Variants in KCNH8 observed in about 807,000 individuals in gnomAD.
KCNH8 encodes voltage-gated delayed rectifier potassium channel KCNH8.
A neutral mutation model predicts 103.6 loss-of-function variants in KCNH8; 70 were observed. That is an observed-to-expected ratio of 0.68 (90% CI 0.56 to 0.82). KCNH8 has a LOEUF of 0.82. Among genes scored for constraint, KCNH8 ranks in the 40% least tolerant of loss-of-function variants. The probability of loss-of-function intolerance (pLI) is 0.00; values close to 1 mark genes in which losing one functional copy is unlikely to be tolerated. For missense variants in KCNH8, 1,217 were observed against 1,329.9 expected (o/e 0.92, Z 1.32); for synonymous variants, 498 against 489.4 (o/e 1.02, Z -0.23).
chr3:19,209,410 A>G (rs2125223905), intron 1 of KCNH8, among the ~76,000 whole-genome samples: 1 of 152,198 alleles, frequency 6.6e-6, no homozygotes, highest in East Asian at 1.9e-4. Context: ...AGTTATGTTT[A>G]TCTAGAAAGT....
At chr3:19,356,980 C>T (rs1194389203) in intron 5 of KCNH8, among the ~76,000 whole-genome samples, 1 of 151,656 alleles carries the variant, frequency 6.6e-6, no homozygotes, top group Non-Finnish European at 1.5e-5. Flanking sequence ...CAACAGTTAT[C>T]GCTCCCATTT....
rs2065032285 is a variant in KCNH8 at position 19,299,123 on chromosome 3, G to A, written c.442+17794G>A. The stretch of plus-strand genomic sequence containing the variant: ...CAGTGTCCCTTGGTGTAGGGATGTA[G>A]GGATGTCCCAAAAGAGACTTGCTTA... On this transcript the variant is annotated intron_variant, in intron 3 of 15. Coordinates refer to ENST00000328405, the MANE Select transcript of KCNH8 (RefSeq NM_144633.3). Among the ~76,000 whole-genome samples, 3 of 152,188 alleles carry A rather than the reference G, an allele frequency of 2.0e-5. No individual in the cohort carries two copies. In the South Asian group the frequency reaches 6.2e-4, roughly 32 times the overall value.
At chr3:19,173,627 TAC>T (rs201169887) in intron 1 of KCNH8, among the ~76,000 whole-genome samples, 107 of 151,952 alleles carry the variant, frequency 7.0e-4, no homozygotes, top group Middle Eastern at 3.4e-3. Context: ...GGCATAAACC[TAC>T]ACACACACCC....
chr3:19,223,330 A>C (rs1185022688), intron 1 of KCNH8, among the ~76,000 whole-genome samples: 3 of 152,208 alleles, frequency 2.0e-5, no homozygotes, highest in African/African-American at 7.2e-5. Context: ...AGTCTATTGC[A>C]GACTGACATT....
intron 1 of KCNH8, among the ~76,000 whole-genome samples, chr3:19,176,603 T>C (rs952388084): frequency 1.3e-5 from 2 of 152,142 alleles, no homozygotes; most frequent in Admixed American, 6.5e-5. Flanking sequence ...TGAGAATATA[T>C]ACTCAGTTTG....
intron 3 of KCNH8, among the ~76,000 whole-genome samples, chr3:19,306,346 A>G (rs1236861929): frequency 6.6e-6 from 1 of 152,142 alleles, no homozygotes; most frequent in African/African-American, 2.4e-5. Context: ...GCCCTTCATC[A>G]TATTAGGAAA....
At chr3:19,348,341 C>G (rs73182752) in intron 5 of KCNH8, among the ~76,000 whole-genome samples, 4 of 151,972 alleles carry the variant, frequency 2.6e-5, no homozygotes, top group Admixed American at 6.6e-5. Context: ...CACTCCTTGA[C>G]GTGTTCTTTC....
At chr3:19,274,302 C>T (rs749745856) in intron 2 of KCNH8, among the ~76,000 whole-genome samples, 3 of 152,196 alleles carry the variant, frequency 2.0e-5, no homozygotes, top group East Asian at 3.9e-4. Flanking sequence ...ACATGCAAGA[C>T]GTGTTGTACA....
At chr3:19,390,778 G>A in intron 6 of KCNH8, 140 bp downstream of exon 6, 3 of 709,278 alleles carry the variant, frequency 4.2e-6, no homozygotes, top group Non-Finnish European at 6.7e-6. Flanking sequence ...CCAGTGATAT[G>A]CAGGCCAGAT....
intron 6 of KCNH8, among the ~76,000 whole-genome samples, chr3:19,392,818 G>A (rs1257697193): frequency 1.3e-5 from 2 of 152,030 alleles, no homozygotes; most frequent in Admixed American, 6.6e-5. Flanking sequence ...TGTTGATAGA[G>A]TAGAAAGGGC....
intron 7 of KCNH8, among the ~76,000 whole-genome samples, chr3:19,400,357 G>A (rs1437409124): frequency 6.6e-5 from 10 of 151,032 alleles, no homozygotes; most frequent in African/African-American, 9.7e-5. Flanking sequence ...TGAGTCTAAC[G>A]GTGGAATCCT....
chr3:19,390,039 C>T (rs2066413743), intron 5 of KCNH8, among the ~76,000 whole-genome samples: 1 of 152,028 alleles, frequency 6.6e-6, no homozygotes, highest in Non-Finnish European at 1.5e-5. Flanking sequence ...GTAACACTGT[C>T]TACTTCAGGA....
intron 1 of KCNH8, among the ~76,000 whole-genome samples, chr3:19,149,455 T>A (rs370286976): frequency 6.6e-6 from 1 of 152,154 alleles, no homozygotes; most frequent in Non-Finnish European, 1.5e-5. Context: ...TTTTAGTTTT[T>A]TTTTTTTGAG....
intron 1 of KCNH8, among the ~76,000 whole-genome samples, chr3:19,208,320 ATGT>A (rs1201833251): frequency 3.3e-5 from 5 of 152,102 alleles, no homozygotes; most frequent in South Asian, 2.1e-4. Context: ...AACATTTCAA[ATGT>A]TGTTATGTTT....
At chr3:19,348,005 G>GA (rs765997123) in intron 5 of KCNH8, 40 bp downstream of exon 5, 12 of 1,597,820 alleles carry the variant, frequency 7.5e-6, no homozygotes, top group Non-Finnish European at 1.0e-5. Flanking sequence ...ATTTGCATAT[G>GA]AGAAGTGAAG....
chr3:19,202,897 G>C (rs1382067346), intron 1 of KCNH8, among the ~76,000 whole-genome samples: 1 of 152,002 alleles, frequency 6.6e-6, no homozygotes, highest in Non-Finnish European at 1.5e-5. Context: ...CACCCATTAT[G>C]GGGACTACAC....
rs533003622 is a variant in KCNH8 at position 19,471,992 on chromosome 3, T to C, written c.2040+15010T>C. 5.1e-4 allele frequency among the ~76,000 whole-genome samples: 78 copies of C among 152,358 alleles called. 1 individual carries two copies. Among genetic ancestry groups the C allele is most frequent in the Admixed American group, 8.5e-4 (13 of 15,308 alleles). On this transcript the variant is annotated intron_variant, in intron 11 of 15. Coordinates refer to ENST00000328405, the MANE Select transcript of KCNH8 (RefSeq NM_144633.3). ...TTTGACTTATGCACTTTTTTCTGTA[T>C]GCTATACTTCAATTAGAAAGTTTTT...
At chr3:19,523,771 C>G (rs1404888319) in intron 15 of KCNH8, among the ~76,000 whole-genome samples, 2 of 151,902 alleles carry the variant, frequency 1.3e-5, no homozygotes, top group South Asian at 2.1e-4. Flanking sequence ...CTAATAATAT[C>G]TACCATAGCA....
At chr3:19,290,425 A>G (rs536051326) in intron 3 of KCNH8, among the ~76,000 whole-genome samples, 5 of 152,324 alleles carry the variant, frequency 3.3e-5, no homozygotes, top group African/African-American at 1.2e-4. Context: ...CGTCCCATCA[A>G]TACCTAATTT....
Sources: gnomAD v4.1 joint callset for allele counts (sites outside exome capture counted in the v4.1 genomes callset) on GRCh38, gnomAD v4.1.1 for gene constraint, MANE v1.5 for transcripts, NCBI Gene and HGNC (gene_info 2026-07-23, HGNC 2026-07-21) for gene names.